SFTPC: variants seen among roughly 807,000 people sequenced by gnomAD.
SFTPC encodes the protein BRICHOS domain containing 6.
In SFTPC, 12 loss-of-function variants were observed where a neutral mutation model predicts 19.9. The ratio of observed to expected loss-of-function variants is 0.60; its 90% CI spans 0.39 to 0.98. The LOEUF (loss-of-function observed/expected upper bound fraction) is 0.98, where lower values mean the gene tolerates loss of function less well. Among genes scored for constraint, SFTPC ranks in the 50% least tolerant of loss-of-function variants. The probability of loss-of-function intolerance (pLI) is 0.00; values close to 1 mark genes in which losing one functional copy is unlikely to be tolerated. For missense variants in SFTPC, 219 were observed against 252.2 expected (o/e 0.87, Z 0.89); for synonymous variants, 123 against 103.3 (o/e 1.19, Z -1.16).
chr8:22,158,925 T>C (rs1476354823), upstream of SFTPC: 1 of 152,240 alleles, frequency 6.6e-6, no homozygotes, highest in Admixed American at 6.5e-5. Flanking sequence ...TGCTCCTTTC[T>C]TTCCCAGGGC....
chr8:22,162,452 C>A, intron 1 of SFTPC, 122 bp from the exon 2 acceptor site: 2 of 1,084,406 alleles, frequency 1.8e-6, no homozygotes, highest in Non-Finnish European at 2.8e-6. Context: ...CCTTCCCTGT[C>A]CATCCATCGC....
rs566914013 is a variant in SFTPC, at chr8:22,162,673, G to A, written c.142G>A (p.Val48Met). ...GGTGGTGGTGGTGGTCCTCATCGTC[G>A]TGGTGATTGTGGGAGCCCTGCTCAT... is the stretch of plus-strand genomic sequence containing the variant. ...IVVVVVVLIV[V>M]VIVGALLMGL... Residue 48 changes from valine to methionine, a missense_variant, in exon 2 of 6, where the codon GTG (valine) becomes ATG (methionine). Physicochemically the swap from Val to Met is conservative, Grantham distance 21 (BLOSUM62 1). Transcript: ENST00000679463. The A allele has an allele frequency of 3.0e-5, 48 of 1,614,222 alleles. No homozygotes were observed. The highest frequency in any genetic ancestry group is 1.3e-4 in the East Asian group (6 of 44,880).
chr8:22,162,465 C>A, intron 1 of SFTPC, 109 bp from the exon 2 acceptor site: 1 of 1,232,958 alleles, frequency 8.1e-7, no homozygotes, highest in Non-Finnish European at 1.2e-6. Flanking sequence ...TCCATCGCAT[C>A]GGCTGTCCAG....
At chr8:22,162,881 AC>A in intron 2 of SFTPC, 149 bp downstream of exon 2, 3 of 1,348,918 alleles carry the variant, frequency 2.2e-6, no homozygotes, top group Non-Finnish European at 3.1e-6. Context: ...CCAGGCAGCA[AC>A]CCAGCTCAGG....
intron 1 of SFTPC, among the ~76,000 whole-genome samples, 181 bp from the exon 2 acceptor site, chr8:22,162,393 T>G (rs943941666): frequency 2.6e-5 from 4 of 152,146 alleles, no homozygotes; most frequent in African/African-American, 9.7e-5. Flanking sequence ...TATGGGTTTG[T>G]TAGAATCCAG....
At chr8:22,161,641 G>T (rs898454266), upstream of SFTPC, 6 of 1,565,980 alleles carry the variant, frequency 3.8e-6, no homozygotes, top group African/African-American at 8.1e-5. Flanking sequence ...GCCCTTGGGG[G>T]CTCTCACAGG....
At position 22,163,890 on chromosome 8, in the gene SFTPC, G is replaced by A. The variant is rs766184622; in HGVS notation, c.436-11G>A. 56 of 1,611,016 alleles carry A rather than the reference G, an allele frequency of 3.5e-5. 1 individual carries two copies. In the South Asian group the frequency reaches 5.8e-4, roughly 17 times the overall value. On this transcript the variant is annotated splice_polypyrimidine_tract_variant and intron_variant, in intron 4 of 5. Transcript: ENST00000679463. ...TCACTTCCTACATTCCAGATGGAAT[G>A]CTCTCTGCAGGCCAAGCCCGCAGTG...
upstream of SFTPC, among the ~76,000 whole-genome samples, chr8:22,160,733 G>A (rs574004610): frequency 6.6e-6 from 1 of 152,334 alleles, no homozygotes; most frequent in Non-Finnish European, 1.5e-5. Context: ...CCTGGCCCAA[G>A]GAGTGAAAGG....
chr8:22,163,138 A>T lies in SFTPC; in HGVS notation c.260A>T (p.His87Leu). The T allele has an allele frequency of 6.2e-7, 1 of 1,614,098 alleles. No homozygotes were observed. The highest frequency in any genetic ancestry group is 8.5e-7 in the Non-Finnish European group (1 of 1,180,004). The change falls in exon 3 of 6, where the codon CAC becomes CTC. Residue 87 changes from histidine to leucine, a missense_variant. Coordinates refer to ENST00000679463, the MANE Select transcript of SFTPC (RefSeq NM_001317778.2). ...CAGCAACGCCTGGCCCTGAGTGAGCACCTGGTTACCACTGCCACCTTCTCC... is the reference window on the plus strand; with the variant it reads ...CAGCAACGCCTGGCCCTGAGTGAGCTCCTGGTTACCACTGCCACCTTCTCC... ...EAQQRLALSE[H>L]LVTTATFSIG...
At chr8:22,160,118 G>T (rs1023189927), upstream of SFTPC, among the ~76,000 whole-genome samples, 7 of 152,228 alleles carry the variant, frequency 4.6e-5, no homozygotes, top group Non-Finnish European at 4.4e-5. Flanking sequence ...TGAGGAGGGT[G>T]GTGGGAGCAA....
At chr8:22,159,911 C>A, upstream of SFTPC, 1 of 1,150,096 alleles carries the variant, frequency 8.7e-7, no homozygotes, top group Non-Finnish European at 1.2e-6. Flanking sequence ...GGAGTAAGGG[C>A]CCTGGGGGAG....
upstream of SFTPC, among the ~76,000 whole-genome samples, chr8:22,161,076 A>G (rs1314881535): frequency 6.6e-6 from 1 of 152,200 alleles, no homozygotes; most frequent in South Asian, 2.1e-4. Flanking sequence ...ATCTGCCATC[A>G]GCACAGCCTG....
upstream of SFTPC, chr8:22,161,775 G>A: frequency 2.5e-6 from 4 of 1,613,906 alleles, no homozygotes; most frequent in Non-Finnish European, 3.4e-6. Context: ...ACACATATAA[G>A]ACCCTGGTCA....
intron 1 of SFTPC, 77 bp downstream of exon 1, chr8:22,161,947 C>T: frequency 1.4e-6 from 2 of 1,432,900 alleles, no homozygotes; most frequent in Non-Finnish European, 2.0e-6. Context: ...TCTATCCTCC[C>T]TGGCCTGTTT....
upstream of SFTPC, among the ~76,000 whole-genome samples, chr8:22,158,372 C>T (rs1483420952): frequency 6.6e-6 from 1 of 152,264 alleles, no homozygotes; most frequent in Admixed American, 6.5e-5. Flanking sequence ...AGCTGGGCAA[C>T]TGTCCCCACC....
At chr8:22,159,991 A>G, upstream of SFTPC, 1 of 458,816 alleles carries the variant, frequency 2.2e-6, no homozygotes, top group South Asian at 1.9e-5. Context: ...GGCCGAGCTG[A>G]GAGGATGCTT....
intron 3 of SFTPC, 42 bp downstream of exon 3, chr8:22,163,244 G>A (rs757387068): frequency 8.1e-6 from 13 of 1,613,716 alleles, no homozygotes; most frequent in Middle Eastern, 3.3e-4. Context: ...CCAATGACAA[G>A]GCTCTGCTAG....
At chr8:22,163,301 T>C in intron 3 of SFTPC, 99 bp downstream of exon 3, 1 of 1,572,408 alleles carries the variant, frequency 6.4e-7, no homozygotes, top group South Asian at 1.1e-5. Flanking sequence ...CTCCCTCTCC[T>C]CCAGACCTTT....
At position 22,162,752 on chromosome 8, in the gene SFTPC, C is replaced by T. The variant is rs1392942992; in HGVS notation, c.201+20C>T. On this transcript the variant is annotated intron_variant, in intron 2 of 5. Coordinates refer to ENST00000679463, the MANE Select transcript of SFTPC (RefSeq NM_001317778.2). Reference sequence around the variant, plus strand: ...GAGATGGTGAGAGGTGTGGGATGCACAGCAGTGGGCACAGGACATGCCAGA... The same window carrying T: ...GAGATGGTGAGAGGTGTGGGATGCATAGCAGTGGGCACAGGACATGCCAGA... The T allele has an allele frequency of 1.9e-6, 3 of 1,613,678 alleles. No homozygotes were observed. The highest frequency in any genetic ancestry group is 2.5e-6 in the Non-Finnish European group (3 of 1,179,884).
Sources: gnomAD v4.1 joint callset for allele counts (sites outside exome capture counted in the v4.1 genomes callset) on GRCh38, gnomAD v4.1.1 for gene constraint, MANE v1.5 for transcripts, NCBI Gene and HGNC (gene_info 2026-07-23, HGNC 2026-07-21) for gene names.